The following GNAL variants were observed in gnomAD, a reference collection of about 807,000 sequenced individuals.
GNAL encodes G protein subunit alpha L.
A neutral mutation model predicts 55.1 loss-of-function variants in GNAL; 18 were observed. The observed-to-expected ratio is 0.33, with a 90% CI of 0.23 to 0.48. The LOEUF is 0.48. GNAL is among the 20% of genes least tolerant of loss of function. GNAL has a pLI of 0.99. For synonymous variants in GNAL, 253 were observed against 237.0 expected, an observed-to-expected ratio of 1.07 and a Z score of -0.62; for missense variants, 412 against 614.1, an observed-to-expected ratio of 0.67 and a Z score of 3.48.
chr18:11,792,168 C>G (rs1035874087), intron 4 of GNAL, among the ~76,000 whole-genome samples: 1 of 151,898 alleles, frequency 6.6e-6, no homozygotes, highest in African/African-American at 2.4e-5. Flanking sequence ...TGTATTGTTT[C>G]CTTCCTCCCT....
At chr18:11,849,873 G>A (rs369964716) in intron 5 of GNAL, among the ~76,000 whole-genome samples, 30 of 152,322 alleles carry the variant, frequency 2.0e-4, no homozygotes, top group East Asian at 5.8e-4. Context: ...TGTGCAGAGC[G>A]CCTGCTGGGC....
intron 5 of GNAL, chr18:11,857,189 T>C (rs1358160004): frequency 2.0e-5 from 3 of 152,214 alleles, no homozygotes; most frequent in African/African-American, 7.2e-5. Context: ...TTTATGTTAT[T>C]TTATACCTCA....
chr18:11,793,057 AGACTAT>A (rs1450488125), intron 4 of GNAL, among the ~76,000 whole-genome samples: 1 of 152,244 alleles, frequency 6.6e-6, no homozygotes, highest in Non-Finnish European at 1.5e-5. Context: ...ATAGGAGCTA[AGACTAT>A]ATGTAGGGGT....
intron 5 of GNAL, among the ~76,000 whole-genome samples, chr18:11,861,789 AG>A (rs1308600029): frequency 1.3e-5 from 2 of 152,164 alleles, no homozygotes; most frequent in Non-Finnish European, 2.9e-5. Context: ...TGACACCAAC[AG>A]GCGTCGCCAG....
chr18:11,840,937 G>A (rs2035600954), intron 5 of GNAL, among the ~76,000 whole-genome samples: 2 of 146,544 alleles, frequency 1.4e-5, no homozygotes, highest in Admixed American at 6.9e-5. Flanking sequence ...TCAGTGCTAC[G>A]ATCACAGCTC....
intron 4 of GNAL, among the ~76,000 whole-genome samples, chr18:11,809,360 A>T (rs1048611820): frequency 2.0e-5 from 3 of 152,228 alleles, no homozygotes; most frequent in Non-Finnish European, 2.9e-5. Flanking sequence ...AAATGTTCCA[A>T]AATTGATGGT....
At chr18:11,830,611 A>G (rs1348982433) in intron 5 of GNAL, among the ~76,000 whole-genome samples, 3 of 152,174 alleles carry the variant, frequency 2.0e-5, no homozygotes, top group East Asian at 1.9e-4. Context: ...TTACCCAGCA[A>G]TTCCACTCCT....
At chr18:11,777,946 C>T (rs1206257478) in intron 4 of GNAL, among the ~76,000 whole-genome samples, 1 of 152,194 alleles carries the variant, frequency 6.6e-6, no homozygotes. Context: ...GTCCCAGAGT[C>T]TGGTTCCAGA....
Position 11,885,087 on chromosome 18 carries a change from G to T in GNAL, c.*3952G>T. The T allele has an allele frequency of 8.0e-7, 1 of 1,257,196 alleles. No individual in the cohort carries two copies. The highest frequency in any genetic ancestry group is 1.3e-5 in the South Asian group (1 of 76,244). 77.9% of individuals were successfully genotyped at this position (1,257,196 alleles called of 1,614,324 possible). On this transcript the variant is annotated 3_prime_UTR_variant, in exon 12 of 12. Transcript: ENST00000334049. The stretch of plus-strand genomic sequence containing the variant: ...AGGTCGTCTCCATGGGCTTTTCTTT[G>T]CAGATACTTTTATGTGGAACAACAG...
At chr18:11,810,873 G>GA (rs944739094) in intron 4 of GNAL, 2 of 152,356 alleles carry the variant, frequency 1.3e-5, no homozygotes, top group African/African-American at 4.8e-5. Context: ...GCAAATCCAG[G>GA]AATCTGTGGG....
At chr18:11,790,651 C>CCTTTT (rs2034203867) in intron 4 of GNAL, among the ~76,000 whole-genome samples, 1 of 83,358 alleles carries the variant, frequency 1.2e-5, no homozygotes, top group African/African-American at 5.4e-5. Flanking sequence ...CTTTTCTTTT[C>CCTTTT]TTTTTTTTTC....
At chr18:11,805,464 G>A (rs185240321) in intron 4 of GNAL, among the ~76,000 whole-genome samples, 1 of 152,186 alleles carries the variant, frequency 6.6e-6, no homozygotes, top group East Asian at 1.9e-4. Context: ...CCCAAATAAT[G>A]TACGTTGTAC....
intron 4 of GNAL, among the ~76,000 whole-genome samples, 196 bp downstream of exon 4, chr18:11,754,141 G>A (rs1485371654): frequency 6.6e-6 from 1 of 152,160 alleles, no homozygotes; most frequent in Non-Finnish European, 1.5e-5. Flanking sequence ...ACGGCCAGGG[G>A]CGGTGGCTCA....
Position 11,751,426 on chromosome 18 carries a change from G to A in GNAL, c.377-1427G>A. On this transcript the variant is annotated intron_variant, in intron 1 of 11. Coordinates refer to ENST00000334049, the MANE Select transcript of GNAL (RefSeq NM_182978.4). This position sits in a 1 kb window ranked among gnomAD's most constrained non-coding sequence, Gnocchi z 4.5. ...TGCACAGGAGAAACGGGGGCTGGAG[G>A]TAAAGACAGGAGGCTCGGGAGGCGG... 1.3e-6 allele frequency: 1 copy of A among 782,488 alleles called. No homozygotes were observed. The allele number at this position is 782,488 out of a possible 1,614,324, so 48.5% of individuals were successfully genotyped here.
chr18:11,867,277 G>A, intron 8 of GNAL, 51 bp downstream of exon 8: 1 of 1,039,804 alleles, frequency 9.6e-7, no homozygotes, highest in East Asian at 2.4e-5. Flanking sequence ...CTAACACTCA[G>A]CACTGCTGTG....
intron 4 of GNAL, among the ~76,000 whole-genome samples, chr18:11,824,081 T>A (rs2035175874): frequency 6.6e-6 from 1 of 152,212 alleles, no homozygotes; most frequent in East Asian, 1.9e-4. Flanking sequence ...AGAAATAAAT[T>A]ATCATCCTCA....
rs1293339146 is a variant in GNAL, at chr18:11,751,457, T to C, written c.377-1396T>C. 1 of 974,044 alleles carries C rather than the reference T, an allele frequency of 1.0e-6. No individual in the cohort carries two copies. The highest frequency in any genetic ancestry group is 1.1e-4 in the East Asian group (1 of 8,756). 60.3% of individuals were successfully genotyped at this position (974,044 alleles called of 1,614,324 possible). A position where few individuals can be genotyped will look rare whatever the true frequency, so the allele number is the denominator to read the frequency against. On this transcript the variant is annotated intron_variant, in intron 1 of 11. Transcript: ENST00000334049. The surrounding 1 kb of genome is among the most constrained non-coding windows in gnomAD (Gnocchi z 4.5). Reference sequence around the variant, plus strand: ...ACAGGAGGCTCGGGAGGCGGCGACGTGGGCGAGCTGGAATAGTCTAGAAGC... The same window carrying C: ...ACAGGAGGCTCGGGAGGCGGCGACGCGGGCGAGCTGGAATAGTCTAGAAGC...
At chr18:11,842,702 C>T (rs530336766) in intron 5 of GNAL, among the ~76,000 whole-genome samples, 19 of 152,118 alleles carry the variant, frequency 1.2e-4, no homozygotes, top group Admixed American at 4.6e-4. Context: ...AGTGGTAATG[C>T]GATTGATGGG....
chr18:11,690,774 A>G (rs1368219012), intron 1 of GNAL, among the ~76,000 whole-genome samples: 1 of 151,692 alleles, frequency 6.6e-6, no homozygotes, highest in Non-Finnish European at 1.5e-5. Context: ...CCATGTCCCT[A>G]CAAAGGACAT....
Sources: gnomAD v4.1 joint callset for allele counts (sites outside exome capture counted in the v4.1 genomes callset) on GRCh38, gnomAD v4.1.1 for gene constraint, Gnocchi (gnomAD v3.1) non-coding constraint, MANE v1.5 for transcripts, NCBI Gene and HGNC (gene_info 2026-07-23, HGNC 2026-07-21) for gene names.